Variants in ZNF33B observed in about 807,000 individuals in gnomAD.
The protein encoded by ZNF33B is zinc finger protein 11b (KOX 2).
In ZNF33B, 29 loss-of-function variants were observed where a neutral mutation model predicts 45.8. The observed-to-expected ratio is 0.63, with a 90% confidence interval of 0.47 to 0.86. The LOEUF (loss-of-function observed/expected upper bound fraction) is 0.86. Among genes scored for constraint, ZNF33B ranks in the 40% least tolerant of loss-of-function variants. The pLI, the probability that ZNF33B is intolerant of heterozygous loss-of-function variation, is 0.00. For missense variants in ZNF33B, 831 were observed against 909.9 expected, an observed-to-expected ratio of 0.91 and a Z score of 1.12; for synonymous variants, 305 against 307.8, an observed-to-expected ratio of 0.99 and a Z score of 0.10.
intron 4 of ZNF33B, among the ~76,000 whole-genome samples, chr10:42,615,046 T>A (rs1314866584): frequency 1.5e-4 from 23 of 152,022 alleles, no homozygotes; most frequent in Admixed American, 1.5e-3. Context: ...TGGATTGGTA[T>A]AATAAATAAT....
At chr10:42,584,203 G>A (rs1836882538), downstream of ZNF33B, among the ~76,000 whole-genome samples, 1 of 152,188 alleles carries the variant, frequency 6.6e-6, no homozygotes, top group Admixed American at 6.5e-5. Flanking sequence ...TCTTGGAGGG[G>A]TACTCTCACC....
intron 1 of ZNF33B, among the ~76,000 whole-genome samples, chr10:42,637,400 C>T (rs891038633): frequency 2.6e-5 from 4 of 152,200 alleles, no homozygotes; most frequent in African/African-American, 9.7e-5. Context: ...CCACAGAAAA[C>T]CATAAGCGTC....
chr10:42,586,200 C>A (rs916800683), downstream of ZNF33B, among the ~76,000 whole-genome samples: 5 of 134,682 alleles, frequency 3.7e-5, no homozygotes, highest in African/African-American at 1.4e-4. Flanking sequence ...GTCATCCAGG[C>A]TGGAGTGCAG....
At chr10:42,621,353 G>A (rs1052724424) in intron 4 of ZNF33B, among the ~76,000 whole-genome samples, 1 of 151,294 alleles carries the variant, frequency 6.6e-6, no homozygotes, top group African/African-American at 2.4e-5. Flanking sequence ...AAATGCAAAT[G>A]AATAAATGAA....
intron 4 of ZNF33B, among the ~76,000 whole-genome samples, chr10:42,603,973 T>C (rs1233583077): frequency 6.6e-6 from 1 of 152,304 alleles, no homozygotes; most frequent in East Asian, 1.9e-4. Context: ...AATAGAGGAA[T>C]CAGTATCTAG....
At chr10:42,579,753 T>C (rs1351535769) in intron 1 of ZNF33B, 1 of 154,348 alleles carries the variant, frequency 6.5e-6, no homozygotes, top group Non-Finnish European at 1.5e-5. Context: ...TGAACTCAAG[T>C]CAAAAAGATG....
chr10:42,587,805 TTTCTC>T (rs747827855), downstream of ZNF33B, among the ~76,000 whole-genome samples: 446 of 152,266 alleles, frequency 2.9e-3, 1 homozygote, highest in Non-Finnish European at 5.0e-3. Flanking sequence ...CTGGTACCTT[TTTCTC>T]TTCTCATCAG....
At chr10:42,582,771 AGTGTGGAC>A in intron 1 of ZNF33B, 1 of 197,140 alleles carries the variant, frequency 5.1e-6, no homozygotes, top group Non-Finnish European at 1.0e-5. Context: ...AGCTGGCTGC[AGTGTGGAC>A]GCTCCTCGGG....
chr10:42,595,057 T>C (rs927414886), intron 4 of ZNF33B, among the ~76,000 whole-genome samples: 3 of 152,164 alleles, frequency 2.0e-5, no homozygotes, highest in Non-Finnish European at 4.4e-5. Context: ...CAAATAATAT[T>C]ATCTATAACA....
Position 42,593,113 on chromosome 10 carries a change from C to T in ZNF33B, c.1837G>A (p.Glu613Lys), listed in dbSNP as rs775319248. 1.9e-6 allele frequency: 3 copies of T among 1,613,834 alleles called. No individual in the cohort carries two copies. Among genetic ancestry groups the T allele is most frequent in the Non-Finnish European group, 1.7e-6 (2 of 1,179,950 alleles). ...HTGEKPYECN[E>K]CGKTFCQKSQ... ...TTCTGGCAGAAGGTTTTTCCACATT[C>T]ATTACATTCATAGGGTTTCTCCCCT... The change falls in exon 5 of 5, where the codon GAA (glutamate) becomes AAA (lysine). Residue 613 changes from glutamate to lysine, a missense_variant. Glu to Lys is a moderately conservative substitution (Grantham distance 56, BLOSUM62 1). Coordinates refer to ENST00000359467, the MANE Select transcript of ZNF33B (RefSeq NM_006955.3).
At chr10:42,611,387 C>G (rs909892396) in intron 4 of ZNF33B, among the ~76,000 whole-genome samples, 1 of 151,924 alleles carries the variant, frequency 6.6e-6, no homozygotes, top group African/African-American at 2.4e-5. Flanking sequence ...AGAAATGATG[C>G]TGAGACAACT....
At chr10:42,599,828 T>C (rs1308136337) in intron 4 of ZNF33B, among the ~76,000 whole-genome samples, 4 of 152,076 alleles carry the variant, frequency 2.6e-5, no homozygotes, top group African/African-American at 9.7e-5. Flanking sequence ...GAGTATTGTA[T>C]GTATTTTATA....
At chr10:42,620,359 T>C (rs1161677612) in intron 4 of ZNF33B, among the ~76,000 whole-genome samples, 4 of 152,050 alleles carry the variant, frequency 2.6e-5, no homozygotes, top group Non-Finnish European at 5.9e-5. Context: ...TGATAATTGC[T>C]TGAACTCACC....
intron 1 of ZNF33B, chr10:42,581,698 A>G (rs1173282478): frequency 6.6e-6 from 1 of 152,216 alleles, no homozygotes; most frequent in East Asian, 1.9e-4. Context: ...GAGAGAATAG[A>G]TGAAACAGTT....
At chr10:42,619,395 T>A (rs1564519254) in intron 4 of ZNF33B, among the ~76,000 whole-genome samples, 1 of 152,092 alleles carries the variant, frequency 6.6e-6, no homozygotes. Context: ...CTCTAGCTGG[T>A]AAAACTGTCC....
chr10:42,589,916 C>T lies in ZNF33B; in HGVS notation c.*2697G>A, dbSNP rs1048843. ...TTAGTTGGAAACATCAAGGATGATG[C>T]TAGATGTAGGGTTTTTTGTAGTAGT... On this transcript the variant is annotated 3_prime_UTR_variant, in exon 5 of 5. Coordinates refer to ENST00000359467, the MANE Select transcript of ZNF33B (RefSeq NM_006955.3). 4 of 152,176 alleles carry T rather than the reference C, an allele frequency of 2.6e-5. No homozygotes were observed. Among genetic ancestry groups the T allele is most frequent in the Non-Finnish European group, 4.4e-5 (3 of 68,028 alleles). 9.4% of individuals were successfully genotyped at this position (152,176 alleles called of 1,614,324 possible).
intron 4 of ZNF33B, among the ~76,000 whole-genome samples, chr10:42,614,854 T>G (rs1217934209): frequency 2.6e-5 from 4 of 151,952 alleles, no homozygotes; most frequent in Non-Finnish European, 5.9e-5. Flanking sequence ...CTCAGGAGGC[T>G]GAGGCAGAGA....
downstream of ZNF33B, among the ~76,000 whole-genome samples, chr10:42,588,535 T>C (rs895691570): frequency 6.6e-6 from 1 of 152,192 alleles, no homozygotes; most frequent in African/African-American, 2.4e-5. Flanking sequence ...ACTCTGATGC[T>C]ATAGAAAGGT....
intron 1 of ZNF33B, among the ~76,000 whole-genome samples, chr10:42,575,464 T>C (rs970878698): frequency 9.2e-5 from 14 of 152,280 alleles, no homozygotes; most frequent in African/African-American, 3.4e-4. Flanking sequence ...GAGACATTTC[T>C]GTTTTTTTAA....
Sources: gnomAD v4.1 joint callset for allele counts (sites outside exome capture counted in the v4.1 genomes callset) on GRCh38, gnomAD v4.1.1 for gene constraint, MANE v1.5 for transcripts, NCBI Gene and HGNC (gene_info 2026-07-23, HGNC 2026-07-21) for gene names.